Variants in ZNF106 observed in about 807,000 individuals in gnomAD.
ZNF106 encodes the protein SH3-domain binding protein 3.
In ZNF106, 67 loss-of-function variants were observed where a neutral mutation model predicts 195.1. The observed-to-expected ratio is 0.34, with a 90% CI of 0.28 to 0.42. ZNF106 has a LOEUF of 0.42. Among genes scored for constraint, ZNF106 ranks in the 10% least tolerant of loss-of-function variants. The pLI, the probability that ZNF106 is intolerant of heterozygous loss-of-function variation, is 1.00. For missense variants in ZNF106, 2,118 were observed against 2,304.5 expected, an observed-to-expected ratio of 0.92 and a Z score of 1.66; for synonymous variants, 784 against 818.6, an observed-to-expected ratio of 0.96 and a Z score of 0.72.
intron 9 of ZNF106, among the ~76,000 whole-genome samples, chr15:42,443,275 T>C (rs894403520): frequency 1.2e-4 from 19 of 152,150 alleles, no homozygotes; most frequent in Non-Finnish European, 4.4e-5. Context: ...CAAAACTCTT[T>C]CCATAACATA....
chr15:42,421,093 T>G lies in ZNF106; in HGVS notation c.5485A>C (p.Arg1829=), dbSNP rs1259336509. 2 of 1,614,018 alleles carry G rather than the reference T, an allele frequency of 1.2e-6. No homozygotes were observed. The highest frequency in any genetic ancestry group is 2.7e-5 in the African/African-American group (2 of 74,922). The part of the protein sequence containing the change: ...GCYDGSIQAV[R]LNLMQNYRCW... ...CGGTAATTCTGCATCAGATTAAGCC[T>G]CACGGCCTGAATACTGCCATCATAA... is the stretch of plus-strand genomic sequence containing the variant. The change falls in exon 20 of 22, where the codon AGG becomes CGG. Residue 1829 remains arginine (R), a synonymous_variant. Transcript: ENST00000564754.
chr15:42,448,069 C>T lies in ZNF106; in HGVS notation c.3135+3G>A. 2 of 1,604,476 alleles carry T rather than the reference C, an allele frequency of 1.2e-6. No homozygotes were observed. Among genetic ancestry groups the T allele is most frequent in the Admixed American group, 3.4e-5 (2 of 59,090 alleles). On this transcript the variant is annotated splice_donor_region_variant and intron_variant, in intron 6 of 21. Coordinates refer to ENST00000564754, the MANE Select transcript of ZNF106 (RefSeq NM_001366845.3). ...TACAAAAAGCAGAGGGAATTATACT[C>T]ACTCCAGTGGCTCTTCGTTTCTTTC...
chr15:42,420,473 C>A (rs1234679438), intron 20 of ZNF106, among the ~76,000 whole-genome samples: 2 of 152,102 alleles, frequency 1.3e-5, no homozygotes, highest in Admixed American at 6.6e-5. Context: ...TAAAAAGTCA[C>A]TAAGCTGTGG....
At chr15:42,433,696 T>C (rs1210413349) in intron 14 of ZNF106, among the ~76,000 whole-genome samples, 2 of 152,050 alleles carry the variant, frequency 1.3e-5, no homozygotes, top group African/African-American at 4.8e-5. Context: ...TTGGCCAGGC[T>C]GGTCTCACAC....
rs1162950757 is a variant in ZNF106 at position 42,436,121 on chromosome 15, T to G, written c.4747-603A>C. 1.3e-5 allele frequency among the ~76,000 whole-genome samples: 2 copies of G among 151,920 alleles called. 1 individual carries two copies. Among genetic ancestry groups the G allele is most frequent in the Admixed American group, 1.3e-4 (2 of 15,240 alleles). On this transcript the variant is annotated intron_variant, in intron 13 of 21. Coordinates refer to ENST00000564754, the MANE Select transcript of ZNF106 (RefSeq NM_001366845.3). ...GGTGCCCGCCACCACCCCCGGCTAA[T>G]TTTTTGTATTTTTAGTAGAGATGGG...
At position 42,439,558 on chromosome 15, in the gene ZNF106, G is replaced by C. The variant is rs1289368877; in HGVS notation, c.4019C>G (p.Ala1340Gly). Residue 1340 changes from alanine (A) to glycine (G), a missense_variant, in exon 11 of 22, where the codon GCT (alanine) becomes GGT (glycine). Ala to Gly is a moderately conservative substitution (Grantham distance 60, BLOSUM62 0). Coordinates refer to ENST00000564754, the MANE Select transcript of ZNF106 (RefSeq NM_001366845.3). ...TTCCTTCTCCAAAGGGGTTTCTGAA[G>C]CAAAAGACAATCTTAGAAAAGAACT... is the stretch of plus-strand genomic sequence containing the variant. Reference protein sequence around the residue: ...CTSSFLRLSFASETPLEKEPH... With the variant: ...CTSSFLRLSFGSETPLEKEPH... The C allele has an allele frequency of 1.2e-6, 2 of 1,614,170 alleles. No homozygotes were observed. The highest frequency in any genetic ancestry group is 2.7e-5 in the African/African-American group (2 of 75,030).
Position 42,422,581 on chromosome 15 carries a change from C to G in ZNF106, c.5293G>C (p.Ala1765Pro). The part of the protein sequence containing the change: ...LVRIYKGHNH[A>P]VTVVNILGKV... The stretch of plus-strand genomic sequence containing the variant: ...CCTAGGATATTCACCACAGTCACTG[C>G]ATGATTGTGACCTTTATAGATCCGC... Residue 1765 changes from alanine to proline, a missense_variant, in exon 18 of 22, where the codon GCA (alanine) becomes CCA (proline). Transcript: ENST00000564754. The G allele has an allele frequency of 6.2e-7, 1 of 1,613,642 alleles. No homozygotes were observed. Among genetic ancestry groups the G allele is most frequent in the Non-Finnish European group, 8.5e-7 (1 of 1,179,900 alleles).
intron 14 of ZNF106, among the ~76,000 whole-genome samples, chr15:42,435,130 T>TTTATG (rs1317720860): frequency 5.9e-5 from 9 of 152,196 alleles, no homozygotes; most frequent in African/African-American, 2.2e-4. Context: ...ATGCATAACA[T>TTTATG]TTATGGCAAA....
At chr15:42,489,377 A>G (rs1235305730) in intron 1 of ZNF106, among the ~76,000 whole-genome samples, 2 of 151,804 alleles carry the variant, frequency 1.3e-5, no homozygotes, top group East Asian at 3.9e-4. Flanking sequence ...GTGTTTCTCC[A>G]TGTCGGTCAG....
In ZNF106 at chr15:42,438,684, A is replaced by G. The variant is rs1206888411; in HGVS notation, c.4545-17T>C. 1.9e-6 allele frequency: 3 copies of G among 1,612,426 alleles called. No homozygotes were observed. Among genetic ancestry groups the G allele is most frequent in the East Asian group, 2.2e-5 (1 of 44,840 alleles). On this transcript the variant is annotated splice_polypyrimidine_tract_variant and intron_variant, in intron 11 of 21. Coordinates refer to ENST00000564754, the MANE Select transcript of ZNF106 (RefSeq NM_001366845.3). The stretch of plus-strand genomic sequence containing the variant: ...TCTGCCACACTACAAAATAATAGCA[A>G]AAGTGTTCTCAGCATCTGTGTGAAC...
At chr15:42,470,201 T>C (rs1328832124) in intron 2 of ZNF106, among the ~76,000 whole-genome samples, 1 of 152,214 alleles carries the variant, frequency 6.6e-6, no homozygotes, top group African/African-American at 2.4e-5. Context: ...TTTATGTTAA[T>C]GGGCCTCAGG....
At chr15:42,442,476 C>T in intron 9 of ZNF106, 62 bp from the exon 10 acceptor site, 1 of 1,389,688 alleles carries the variant, frequency 7.2e-7, no homozygotes, top group Non-Finnish European at 9.8e-7. Context: ...TCATTTGTGT[C>T]TGAGCTAATT....
chr15:42,451,898 T>TG lies in ZNF106; in HGVS notation c.373dup (p.Gln125ProfsTer39). 2 of 1,614,106 alleles carry TG rather than the reference T, an allele frequency of 1.2e-6. No homozygotes were observed. The highest frequency in any genetic ancestry group is 1.7e-6 in the Non-Finnish European group (2 of 1,180,008). On this transcript the variant is annotated frameshift_variant, in exon 5 of 22. Coordinates refer to ENST00000564754, the MANE Select transcript of ZNF106 (RefSeq NM_001366845.3). LOFTEE classifies it high-confidence loss of function. ...AGGAATTCGGTCTTCTCGTCTCCAT[T>TG]GGGGTCGTCTGTCATCAGAGTTTAT...
chr15:42,418,386 T>TG (rs1404556557), intron 20 of ZNF106, among the ~76,000 whole-genome samples: 1 of 148,076 alleles, frequency 6.8e-6, no homozygotes, highest in East Asian at 2.0e-4. Flanking sequence ...GAGATGGAGT[T>TG]TCACTCCTGT....
Position 42,446,589 on chromosome 15 carries a change from C to CT in ZNF106, c.3204dup (p.Glu1069ArgfsTer6), listed in dbSNP as rs1306306437. The CT allele has an allele frequency of 1.3e-6, 2 of 1,590,470 alleles. No individual in the cohort carries two copies. Among genetic ancestry groups the CT allele is most frequent in the Non-Finnish European group, 1.7e-6 (2 of 1,165,470 alleles). ...TCTTCCAAAATATTCTGCACCATAC[C>CT]TTTTTTTCCTTTAATTTTCCTTCTT... On this transcript the variant is annotated frameshift_variant and splice_region_variant, in exon 7 of 22. Coordinates refer to ENST00000564754, the MANE Select transcript of ZNF106 (RefSeq NM_001366845.3). LOFTEE classifies it high-confidence loss of function.
chr15:42,452,990 G>C (rs148256501), intron 4 of ZNF106, among the ~76,000 whole-genome samples: 1 of 151,990 alleles, frequency 6.6e-6, no homozygotes, highest in Non-Finnish European at 1.5e-5. Context: ...CACTGCGCCC[G>C]GCCTAGTTAT....
At chr15:42,479,361 C>A (rs1365784960) in intron 1 of ZNF106, among the ~76,000 whole-genome samples, 3 of 151,326 alleles carry the variant, frequency 2.0e-5, no homozygotes, top group African/African-American at 7.3e-5. Flanking sequence ...CCTACAAGAT[C>A]GAAACTGTCT....
intron 1 of ZNF106, among the ~76,000 whole-genome samples, chr15:42,488,417 T>C (rs953627194): frequency 6.6e-6 from 1 of 152,106 alleles, no homozygotes; most frequent in African/African-American, 2.4e-5. Flanking sequence ...TTCTTGATAG[T>C]TTCTTTCAGA....
chr15:42,435,322 C>T, intron 14 of ZNF106, 62 bp downstream of exon 14: 1 of 1,605,302 alleles, frequency 6.2e-7, no homozygotes, highest in Non-Finnish European at 8.5e-7. Context: ...GTCTCCACTC[C>T]ACACAGTAAA....
Sources: gnomAD v4.1 joint callset for allele counts (sites outside exome capture counted in the v4.1 genomes callset) on GRCh38, gnomAD v4.1.1 for gene constraint, MANE v1.5 for transcripts, NCBI Gene and HGNC (gene_info 2026-07-23, HGNC 2026-07-21) for gene names.